ZFAND3: variants seen among roughly 807,000 people sequenced by gnomAD.
The protein encoded by ZFAND3 is zinc finger AN1-type containing 3.
A neutral mutation model predicts 29.6 loss-of-function variants in ZFAND3; 10 were observed. The observed-to-expected ratio is 0.34, with a 90% CI of 0.21 to 0.57. ZFAND3 has a LOEUF of 0.57. Among genes scored for constraint, ZFAND3 ranks in the 20% least tolerant of loss-of-function variants. ZFAND3 has a pLI of 0.86. For missense variants in ZFAND3, 230 were observed against 304.5 expected (o/e 0.76, Z 1.82); for synonymous variants, 128 against 112.6 (o/e 1.14, Z -0.87).
At chr6:38,055,029 T>TA (rs1359897425) in intron 2 of ZFAND3, among the ~76,000 whole-genome samples, 1 of 152,160 alleles carries the variant, frequency 6.6e-6, no homozygotes, top group African/African-American at 2.4e-5. Flanking sequence ...TGTAGCCTAT[T>TA]ATGGACATAA....
chr6:38,010,252 G>T (rs1298938609), intron 2 of ZFAND3, among the ~76,000 whole-genome samples: 1 of 152,146 alleles, frequency 6.6e-6, no homozygotes, highest in Non-Finnish European at 1.5e-5. Context: ...AGCATGCATA[G>T]CTTTGGGATG....
intron 5 of ZFAND3, among the ~76,000 whole-genome samples, chr6:38,121,695 A>G (rs888232170): frequency 9.9e-5 from 15 of 152,180 alleles, no homozygotes; most frequent in African/African-American, 2.9e-4. Flanking sequence ...CACCCAGACT[A>G]CTACATAAAT....
At chr6:37,920,318 T>C (rs1015081426) in intron 1 of ZFAND3, among the ~76,000 whole-genome samples, 15 of 152,012 alleles carry the variant, frequency 9.9e-5, no homozygotes, top group African/African-American at 3.6e-4. Context: ...ATTGTTTTTT[T>C]TTTTCTCCTT....
intron 2 of ZFAND3, among the ~76,000 whole-genome samples, chr6:37,971,989 A>T (rs1258175106): frequency 6.6e-6 from 1 of 152,108 alleles, no homozygotes; most frequent in Non-Finnish European, 1.5e-5. Context: ...AAAATAAAAT[A>T]AAATAAAATA....
intron 1 of ZFAND3, among the ~76,000 whole-genome samples, chr6:37,875,770 C>T (rs1400813576): frequency 2.0e-5 from 3 of 151,700 alleles, no homozygotes; most frequent in East Asian, 1.9e-4. Flanking sequence ...GTGATCCTCC[C>T]GCCTCAGCCT....
chr6:38,149,651 C>T (rs1231737880), intron 5 of ZFAND3, among the ~76,000 whole-genome samples: 1 of 152,092 alleles, frequency 6.6e-6, no homozygotes, highest in Non-Finnish European at 1.5e-5. Flanking sequence ...TCACATCCAC[C>T]AAGCTGGCTG....
At chr6:38,085,613 A>T (rs1169165815) in intron 4 of ZFAND3, among the ~76,000 whole-genome samples, 1 of 151,812 alleles carries the variant, frequency 6.6e-6, no homozygotes, top group African/African-American at 2.4e-5. Flanking sequence ...ATTTATTTTT[A>T]TTTTTTAATA....
chr6:37,923,679 G>A (rs1761427341), intron 1 of ZFAND3, among the ~76,000 whole-genome samples: 1 of 152,182 alleles, frequency 6.6e-6, no homozygotes, highest in Admixed American at 6.5e-5. Flanking sequence ...CAGTTGGTTT[G>A]TTTACTGTGT....
intron 1 of ZFAND3, among the ~76,000 whole-genome samples, chr6:37,854,037 C>A (rs942245552): frequency 4.6e-5 from 7 of 152,036 alleles, no homozygotes; most frequent in Non-Finnish European, 1.0e-4. Context: ...TTGCAACCTC[C>A]GCCTCCTGGG....
At chr6:37,861,580 A>G (rs1268550903) in intron 1 of ZFAND3, among the ~76,000 whole-genome samples, 1 of 152,222 alleles carries the variant, frequency 6.6e-6, no homozygotes, top group African/African-American at 2.4e-5. Flanking sequence ...GAGTGTCTAC[A>G]TTTCACAGGT....
chr6:38,109,838 A>C (rs1765280322), intron 4 of ZFAND3, among the ~76,000 whole-genome samples: 1 of 152,068 alleles, frequency 6.6e-6, no homozygotes, highest in African/African-American at 2.4e-5. Context: ...CTGCGTTGCT[A>C]TCCGGAGGAC....
At chr6:38,067,861 A>T (rs371407712) in intron 3 of ZFAND3, among the ~76,000 whole-genome samples, 1 of 152,196 alleles carries the variant, frequency 6.6e-6, no homozygotes, top group South Asian at 2.1e-4. Context: ...CCTGTTTGGT[A>T]ACATGATGTG....
intron 1 of ZFAND3, among the ~76,000 whole-genome samples, chr6:37,920,860 T>C (rs2127408862): frequency 6.6e-6 from 1 of 152,280 alleles, no homozygotes; most frequent in East Asian, 1.9e-4. Context: ...ACTGGTCTTT[T>C]TCGTGTTTGC....
At chr6:38,138,273 T>C (rs1006505770) in intron 5 of ZFAND3, among the ~76,000 whole-genome samples, 13 of 152,240 alleles carry the variant, frequency 8.5e-5, no homozygotes, top group Non-Finnish European at 1.5e-4. Context: ...GCTGGGCTTC[T>C]GGAGAGGGTA....
chr6:37,892,305 G>A (rs1031051325), intron 1 of ZFAND3, among the ~76,000 whole-genome samples: 5 of 152,198 alleles, frequency 3.3e-5, no homozygotes, highest in African/African-American at 1.2e-4. Flanking sequence ...AAAATGTATA[G>A]GATGAGCAGG....
intron 1 of ZFAND3, among the ~76,000 whole-genome samples, chr6:37,892,586 A>G (rs1041596733): frequency 6.6e-6 from 1 of 152,246 alleles, no homozygotes; most frequent in African/African-American, 2.4e-5. Flanking sequence ...ATCTGAAGCA[A>G]ACAGAAAGAA....
chr6:38,049,590 G>A (rs1208647505), intron 2 of ZFAND3, among the ~76,000 whole-genome samples: 1 of 152,160 alleles, frequency 6.6e-6, no homozygotes, highest in Non-Finnish European at 1.5e-5. Context: ...ATCAGTAGTT[G>A]ATAGCCTTAA....
At chr6:37,907,609 TTG>T (rs1430779596) in intron 1 of ZFAND3, among the ~76,000 whole-genome samples, 4 of 152,216 alleles carry the variant, frequency 2.6e-5, no homozygotes, top group African/African-American at 9.6e-5. Flanking sequence ...TAATACCACA[TTG>T]TGTTTATTCA....
chr6:37,999,637 G>C (rs1762910475), intron 2 of ZFAND3, among the ~76,000 whole-genome samples: 2 of 152,160 alleles, frequency 1.3e-5, no homozygotes, highest in African/African-American at 4.8e-5. Flanking sequence ...CCAAATTGAT[G>C]AGCATTGTAC....
Sources: gnomAD v4.1 joint callset for allele counts (sites outside exome capture counted in the v4.1 genomes callset) on GRCh38, gnomAD v4.1.1 for gene constraint, MANE v1.5 for transcripts, NCBI Gene and HGNC (gene_info 2026-07-23, HGNC 2026-07-21) for gene names.